Variants in COL5A2 observed in about 807,000 individuals in gnomAD.
COL5A2 encodes the protein collagen alpha-2(V) chain.
In COL5A2, 23 loss-of-function variants were observed where a neutral mutation model predicts 208.2. The ratio of observed to expected loss-of-function variants is 0.11; its 90% CI spans 0.08 to 0.16. The LOEUF is 0.16. Ranked by LOEUF, COL5A2 falls within the 10% of genes least tolerant of loss-of-function variation. The probability of loss-of-function intolerance (pLI) is 1.00; values close to 1 mark genes in which losing one functional copy is unlikely to be tolerated. For missense variants in COL5A2, 1,590 were observed against 1,956.4 expected (o/e 0.81, Z 3.53); for synonymous variants, 625 against 628.5 (o/e 0.99, Z 0.08).
intron 1 of COL5A2, among the ~76,000 whole-genome samples, chr2:189,169,244 G>A (rs1294214312): frequency 1.3e-5 from 2 of 152,140 alleles, no homozygotes; most frequent in East Asian, 1.9e-4. Flanking sequence ...GACAGGGATG[G>A]TAGACAGGCA....
At chr2:189,321,817 C>A in the COL5A2 span, among the ~76,000 whole-genome samples, 1 of 152,190 alleles carries the variant, frequency 6.6e-6, no homozygotes, top group Non-Finnish European at 1.5e-5. Context: ...CAGCTCTGCA[C>A]CAAGCAGACC....
At chr2:189,161,529 G>A (rs1688363863) in intron 1 of COL5A2, among the ~76,000 whole-genome samples, 1 of 152,170 alleles carries the variant, frequency 6.6e-6, no homozygotes, top group Non-Finnish European at 1.5e-5. Flanking sequence ...ATAAGAGCTG[G>A]TTCCATGTTT....
chr2:189,311,920 C>T, the COL5A2 span: 3 of 810,306 alleles, frequency 3.7e-6, no homozygotes, highest in African/African-American at 5.0e-5. Context: ...GCAGCTCTGC[C>T]TTGAGAGCCT....
the COL5A2 span, among the ~76,000 whole-genome samples, chr2:189,286,087 C>T: frequency 2.0e-5 from 3 of 149,794 alleles, no homozygotes; most frequent in South Asian, 4.2e-4. Flanking sequence ...AAAGCTCATA[C>T]GTGGTTGAAA....
At chr2:189,285,197 C>T in the COL5A2 span, among the ~76,000 whole-genome samples, 1 of 151,654 alleles carries the variant, frequency 6.6e-6, no homozygotes, top group African/African-American at 2.4e-5. Flanking sequence ...TCTGCTTGTT[C>T]CTGCCCCTGA....
chr2:189,275,403 T>C, the COL5A2 span, among the ~76,000 whole-genome samples: 1 of 151,566 alleles, frequency 6.6e-6, no homozygotes, highest in Non-Finnish European at 1.5e-5. Context: ...TAAATGTATA[T>C]ATAAAAATTG....
At chr2:189,348,661 T>C in the COL5A2 span, among the ~76,000 whole-genome samples, 1 of 152,098 alleles carries the variant, frequency 6.6e-6, no homozygotes, top group Non-Finnish European at 1.5e-5. Context: ...GATGAAAAAA[T>C]GGGATGCAAC....
intron 1 of COL5A2, among the ~76,000 whole-genome samples, chr2:189,197,060 C>T (rs1206493177): frequency 1.3e-5 from 2 of 152,094 alleles, no homozygotes; most frequent in African/African-American, 2.4e-5. Flanking sequence ...AAATGCCCAT[C>T]ACTGACAGAC....
chr2:189,180,093 CT>C (rs1688755082), upstream of COL5A2, among the ~76,000 whole-genome samples: 1 of 152,210 alleles, frequency 6.6e-6, no homozygotes, highest in South Asian at 2.1e-4. Context: ...AACTTTTCCC[CT>C]ATAAGCTGAA....
At chr2:189,314,995 CA>C in the COL5A2 span, among the ~76,000 whole-genome samples, 1 of 152,226 alleles carries the variant, frequency 6.6e-6, no homozygotes, top group African/African-American at 2.4e-5. Context: ...TGAATTCTTC[CA>C]AATGTACAAA....
chr2:189,073,018 T>C (rs1281539239), intron 17 of COL5A2, among the ~76,000 whole-genome samples: 1 of 152,124 alleles, frequency 6.6e-6, no homozygotes, highest in East Asian at 1.9e-4. Context: ...TGTACATATT[T>C]TTTCATCCTA....
chr2:189,202,199 G>A (rs1689088185), intron 1 of COL5A2, among the ~76,000 whole-genome samples: 1 of 151,866 alleles, frequency 6.6e-6, no homozygotes, highest in African/African-American at 2.4e-5. Context: ...AGAATACAAT[G>A]TGAACCATAA....
At chr2:189,358,932 T>A in the COL5A2 span, among the ~76,000 whole-genome samples, 1 of 152,128 alleles carries the variant, frequency 6.6e-6, no homozygotes, top group Non-Finnish European at 1.5e-5. Flanking sequence ...TAACCTGCAA[T>A]TTTGCTAAAT....
chr2:189,237,031 T>C, the COL5A2 span, among the ~76,000 whole-genome samples: 4 of 151,792 alleles, frequency 2.6e-5, no homozygotes. Context: ...TCTCTGTCTG[T>C]TGTAAGGTCT....
the COL5A2 span, among the ~76,000 whole-genome samples, chr2:189,267,215 C>T: frequency 6.6e-6 from 1 of 152,016 alleles, no homozygotes; most frequent in African/African-American, 2.4e-5. Context: ...ACACACATTG[C>T]CTGCATCCAT....
At chr2:189,086,492 G>A (rs536828914) in intron 9 of COL5A2, among the ~76,000 whole-genome samples, 5 of 152,178 alleles carry the variant, frequency 3.3e-5, no homozygotes, top group East Asian at 1.9e-4. Context: ...TTTTGTTATC[G>A]AAGGTCAGTC....
chr2:189,313,567 G>C, the COL5A2 span, among the ~76,000 whole-genome samples: 1 of 152,162 alleles, frequency 6.6e-6, no homozygotes, highest in Non-Finnish European at 1.5e-5. Flanking sequence ...ACATCATGAT[G>C]ACAGGATCAA....
In COL5A2 at chr2:189,078,395, GA is replaced by G. The variant is rs5837122; in HGVS notation, c.1059+120del. On this transcript the variant is annotated intron_variant, in intron 16 of 53. Coordinates refer to ENST00000374866, the MANE Select transcript of COL5A2 (RefSeq NM_000393.5). ...ACCTGACTTTATTCCAAAAGAAAAA[GA>G]AAAAAAAAAAAGGTGACCAGTACTA... The G allele has an allele frequency of 0.75, 405,786 of 538,738 alleles. 136,629 individuals are homozygous for G. Among genetic ancestry groups the G allele is most frequent in the African/African-American group, 0.91 (45,678 of 50,192 alleles). 33.4% of individuals were successfully genotyped at this position (538,738 alleles called of 1,614,324 possible).
At chr2:189,248,486 T>A in the COL5A2 span, among the ~76,000 whole-genome samples, 1 of 152,180 alleles carries the variant, frequency 6.6e-6, no homozygotes, top group African/African-American at 2.4e-5. Flanking sequence ...AGAAGTATTA[T>A]CAAATGTGTA....
Sources: gnomAD v4.1 joint callset for allele counts (sites outside exome capture counted in the v4.1 genomes callset) on GRCh38, gnomAD v4.1.1 for gene constraint, MANE v1.5 for transcripts, NCBI Gene and HGNC (gene_info 2026-07-23, HGNC 2026-07-21) for gene names.